The following ZDHHC12 variants were observed in gnomAD, a reference collection of about 807,000 sequenced individuals.
The protein encoded by ZDHHC12 is zDHHC palmitoyltransferase 12.
A neutral mutation model predicts 33.2 loss-of-function variants in ZDHHC12; 26 were observed. The observed-to-expected ratio is 0.78, with a 90% CI of 0.57 to 1.09. ZDHHC12 has a LOEUF of 1.09. Ranked by LOEUF, ZDHHC12 falls within the 50% of genes least tolerant of loss-of-function variation. ZDHHC12 has a pLI of 0.00. For synonymous variants in ZDHHC12, 154 were observed against 152.1 expected (o/e 1.01, Z -0.09); for missense variants, 350 against 353.0 (o/e 0.99, Z 0.07).
chr9:128,721,693 G>T lies in ZDHHC12; in HGVS notation c.440C>A (p.Ala147Glu). 1 of 1,613,926 alleles carries T rather than the reference G, an allele frequency of 6.2e-7. No individual in the cohort carries two copies. The highest frequency in any genetic ancestry group is 8.5e-7 in the Non-Finnish European group (1 of 1,179,984). Residue 147 changes from alanine (A) to glutamate (E), a missense_variant, in exon 4 of 5, where the codon GCG (alanine) becomes GAG (glutamate). By Grantham distance (107) the Ala-to-Glu change is moderately radical. Transcript: ENST00000372663. The surrounding 1 kb of genome is among the most constrained non-coding windows in gnomAD (Gnocchi z 6.9). ...CCACAGAAGCACCACCAGCTGCAGC[G>T]CCAGGTAGACCACAAAGAGTGGGTG... Reference protein sequence around the residue: ...RNHPLFVVYLALQLVVLLWGL... With the variant: ...RNHPLFVVYLELQLVVLLWGL...
Position 128,721,556 on chromosome 9 carries a change from C to T in ZDHHC12, c.483-54G>A. 6.3e-7 allele frequency: 1 copy of T among 1,587,262 alleles called. No individual in the cohort carries two copies. The highest frequency in any genetic ancestry group is 1.1e-5 in the South Asian group (1 of 88,032). On this transcript the variant is annotated intron_variant, in intron 4 of 4. Transcript: ENST00000372663. This position sits in a 1 kb window ranked among gnomAD's most constrained non-coding sequence, Gnocchi z 6.9. The stretch of plus-strand genomic sequence containing the variant: ...CTGGGGGAGGGCAGGGGAGCCCTTC[C>T]CTCCCCATGCCGGGTCCCTGGGAGT...
chr9:128,723,851 A>C lies in ZDHHC12; in HGVS notation c.100+143T>G. 1 of 1,278,780 alleles carries C rather than the reference A, an allele frequency of 7.8e-7. No individual in the cohort carries two copies. The highest frequency in any genetic ancestry group is 1.1e-6 in the Non-Finnish European group (1 of 930,248). 79.2% of individuals were successfully genotyped at this position (1,278,780 alleles called of 1,614,324 possible). On this transcript the variant is annotated intron_variant, in intron 1 of 4. Transcript: ENST00000372663. The surrounding 1 kb of genome is among the most constrained non-coding windows in gnomAD (Gnocchi z 4.4). ...GAGCAGGTGGCTCTTGGAATGATAGATGGGGAGAGGGCTTCAGGAGCTGGT... is the reference window on the plus strand; with the variant it reads ...GAGCAGGTGGCTCTTGGAATGATAGCTGGGGAGAGGGCTTCAGGAGCTGGT...
In ZDHHC12 at chr9:128,723,581, T is replaced by TG. The variant is rs1175283743; in HGVS notation, c.100+412dup. ...TGGGCAGCTAGTGGCCATGGGGGTG[T>TG]GGGGGGTGTGGGTGTGGGCAGAATG... On this transcript the variant is annotated intron_variant, in intron 1 of 4. Coordinates refer to ENST00000372663, the MANE Select transcript of ZDHHC12 (RefSeq NM_032799.5). This position sits in a 1 kb window ranked among gnomAD's most constrained non-coding sequence, Gnocchi z 4.4. The TG allele has an allele frequency of 3.5e-6, 1 of 287,090 alleles. No individual in the cohort carries two copies. The highest frequency in any genetic ancestry group is 6.5e-6 in the Non-Finnish European group (1 of 153,500). 17.8% of individuals were successfully genotyped at this position (287,090 alleles called of 1,614,324 possible).
rs376894506 is a variant in ZDHHC12, at chr9:128,722,143, C to T, written c.238-57G>A. 86 of 1,602,198 alleles carry T rather than the reference C, an allele frequency of 5.4e-5. No homozygotes were observed. Among genetic ancestry groups the T allele is most frequent in the South Asian group, 9.9e-5 (9 of 90,736 alleles). On this transcript the variant is annotated intron_variant, in intron 2 of 4. Coordinates refer to ENST00000372663, the MANE Select transcript of ZDHHC12 (RefSeq NM_032799.5). The surrounding 1 kb of genome is among the most constrained non-coding windows in gnomAD (Gnocchi z 4.2). ...CCCCTTGGGAGACAGATGGCATTGG[C>T]GGGCAGCTCCCCTAGGGGCCGGCTT... is the stretch of plus-strand genomic sequence containing the variant.
Position 128,720,994 on chromosome 9 carries a change from C to G in ZDHHC12, c.*187G>C, listed in dbSNP as rs1862526951. 2 of 689,586 alleles carry G rather than the reference C, an allele frequency of 2.9e-6. No individual in the cohort carries two copies. The highest frequency in any genetic ancestry group is 4.7e-6 in the Non-Finnish European group (2 of 427,582). The allele number at this position is 689,586 out of a possible 1,614,324, so 42.7% of individuals were successfully genotyped here. On this transcript the variant is annotated 3_prime_UTR_variant, in exon 5 of 5. Transcript: ENST00000372663. This position sits in a 1 kb window ranked among gnomAD's most constrained non-coding sequence, Gnocchi z 5.5. ...GCCTGAGCCACCCACAGGTCCTTTT[C>G]TTCCCCTTCTTCCTTGGAAGGCAGA... is the stretch of plus-strand genomic sequence containing the variant.
rs1862583838 is a variant in ZDHHC12, at chr9:128,722,189, G to T, written c.238-103C>A. 2.1e-6 allele frequency: 3 copies of T among 1,414,420 alleles called. No homozygotes were observed. Among genetic ancestry groups the T allele is most frequent in the South Asian group, 2.4e-5 (2 of 82,892 alleles). 87.6% of individuals were successfully genotyped at this position (1,414,420 alleles called of 1,614,324 possible). A position where few individuals can be genotyped will look rare whatever the true frequency, so the allele number is the denominator to read the frequency against. On this transcript the variant is annotated intron_variant, in intron 2 of 4. Transcript: ENST00000372663. This position sits in a 1 kb window ranked among gnomAD's most constrained non-coding sequence, Gnocchi z 4.2. The stretch of plus-strand genomic sequence containing the variant: ...GGCTTAGCTCTGGGTATGGAGTTTG[G>T]GACCCATCCCATGCAGAATGGAGGT...
In ZDHHC12 at chr9:128,721,996, G is replaced by C; in HGVS notation, c.315+13C>G. The C allele has an allele frequency of 6.2e-7, 1 of 1,613,972 alleles. No homozygotes were observed. Among genetic ancestry groups the C allele is most frequent in the Non-Finnish European group, 8.5e-7 (1 of 1,179,968 alleles). ...GGCCCAACCTCTCCCACGGGTGTCC[G>C]TGCATCACTCACCAGCACCAGGCAG... On this transcript the variant is annotated intron_variant, in intron 3 of 4. Transcript: ENST00000372663. This position sits in a 1 kb window ranked among gnomAD's most constrained non-coding sequence, Gnocchi z 6.9.
chr9:128,722,093 T>A lies in ZDHHC12; in HGVS notation c.238-7A>T, dbSNP rs201077110. On this transcript the variant is annotated splice_polypyrimidine_tract_variant and splice_region_variant and intron_variant, in intron 2 of 4. Coordinates refer to ENST00000372663, the MANE Select transcript of ZDHHC12 (RefSeq NM_032799.5). This position sits in a 1 kb window ranked among gnomAD's most constrained non-coding sequence, Gnocchi z 4.2. ...GCTCCTCTTTGAGCTCCTCCTGGAA[T>A]GAGGGGTGGGGTGTAAGACAGGGTC... 3.7e-6 allele frequency: 6 copies of A among 1,613,652 alleles called. No homozygotes were observed. The highest frequency in any genetic ancestry group is 5.1e-6 in the Non-Finnish European group (6 of 1,179,926).
chr9:128,721,748 A>G lies in ZDHHC12; in HGVS notation c.385T>C (p.Trp129Arg), dbSNP rs1181745539. ...CGCTCTCCCACACAGTTCTCCATCC[A>G]GGGGCAGTGGTGGTCGTAGCGGCGG... ...CVRRYDHHCP[W>R]MENCVGERNH... The change falls in exon 4 of 5, where the codon TGG (tryptophan) becomes CGG (arginine). Residue 129 changes from tryptophan to arginine, a missense_variant. By Grantham distance (101) the Trp-to-Arg change is moderately radical. Transcript: ENST00000372663. The surrounding 1 kb of genome is among the most constrained non-coding windows in gnomAD (Gnocchi z 6.9). The G allele has an allele frequency of 5.0e-6, 8 of 1,613,696 alleles. No homozygotes were observed. Among genetic ancestry groups the G allele is most frequent in the Non-Finnish European group, 6.8e-6 (8 of 1,179,980 alleles).
rs1862576618 is a variant in ZDHHC12, at chr9:128,722,018, G to A, written c.306C>T (p.Cys102=). The change falls in exon 3 of 5, where the codon TGC becomes TGT. Residue 102 remains cysteine, a synonymous_variant. Transcript: ENST00000372663. The surrounding 1 kb of genome is among the most constrained non-coding windows in gnomAD (Gnocchi z 4.2). Reference sequence around the variant, plus strand: ...TCCGTGCATCACTCACCAGCACCAGGCAGTATCTGCAGCGCCGAAGAGGGA... The same window carrying A: ...TCCGTGCATCACTCACCAGCACCAGACAGTATCTGCAGCGCCGAAGAGGGA... ...PAIPLRRCRY[C]LVLQPLRARH... 6 of 1,614,034 alleles carry A rather than the reference G, an allele frequency of 3.7e-6. No homozygotes were observed. The highest frequency in any genetic ancestry group is 5.1e-6 in the Non-Finnish European group (6 of 1,179,982).
chr9:128,722,928 G>T lies in ZDHHC12; in HGVS notation c.101-354C>A, dbSNP rs1450696338. 2.3e-5 allele frequency: 8 copies of T among 343,834 alleles called. No homozygotes were observed. Among genetic ancestry groups the T allele is most frequent in the South Asian group, 3.8e-5 (1 of 26,466 alleles). 21.3% of individuals were successfully genotyped at this position (343,834 alleles called of 1,614,324 possible). On this transcript the variant is annotated intron_variant, in intron 1 of 4. Coordinates refer to ENST00000372663, the MANE Select transcript of ZDHHC12 (RefSeq NM_032799.5). The surrounding 1 kb of genome is among the most constrained non-coding windows in gnomAD (Gnocchi z 4.2). ...TGGACAGGGGGCTGCTGGGTCAAGG[G>T]AGCCAGACCTGACTGGATGTGGGAG...
chr9:128,722,782 C>A lies in ZDHHC12; in HGVS notation c.101-208G>T. The stretch of plus-strand genomic sequence containing the variant: ...ACCATGGAAGGTTATAGAGCCAGAT[C>A]TGTTTTGGAAAACCTCATTGCTAAA... On this transcript the variant is annotated intron_variant, in intron 1 of 4. Coordinates refer to ENST00000372663, the MANE Select transcript of ZDHHC12 (RefSeq NM_032799.5). This position sits in a 1 kb window ranked among gnomAD's most constrained non-coding sequence, Gnocchi z 4.2. 9 of 1,402,370 alleles carry A rather than the reference C, an allele frequency of 6.4e-6. No individual in the cohort carries two copies. Among genetic ancestry groups the A allele is most frequent in the Non-Finnish European group, 8.4e-6 (9 of 1,072,724 alleles). 86.9% of individuals were successfully genotyped at this position (1,402,370 alleles called of 1,614,324 possible). A position where few individuals can be genotyped will look rare whatever the true frequency, so the allele number is the denominator to read the frequency against.
chr9:128,723,930 A>G lies in ZDHHC12; in HGVS notation c.100+64T>C, dbSNP rs757506418. The G allele has an allele frequency of 1.9e-6, 3 of 1,564,342 alleles. No individual in the cohort carries two copies. Among genetic ancestry groups the G allele is most frequent in the Non-Finnish European group, 2.6e-6 (3 of 1,152,418 alleles). On this transcript the variant is annotated intron_variant, in intron 1 of 4. Transcript: ENST00000372663. The surrounding 1 kb of genome is among the most constrained non-coding windows in gnomAD (Gnocchi z 4.4). The stretch of plus-strand genomic sequence containing the variant: ...GGGATTAGGCGGGAGACCCAGTGTG[A>G]CCAGAACGTCTGGGGAAGTACGCGG...
rs907276468 is a variant in ZDHHC12 at position 128,721,892 on chromosome 9, C to T, written c.316-75G>A. 7 of 1,600,940 alleles carry T rather than the reference C, an allele frequency of 4.4e-6. No homozygotes were observed. In the Admixed American group the frequency reaches 6.7e-5, roughly 15 times the overall value. ...CCACCACTGAGGGAAGGAATCAGGG[C>T]CTGATTCTGGAAGGCCTTCTTGGAG... On this transcript the variant is annotated intron_variant, in intron 3 of 4. Transcript: ENST00000372663. The surrounding 1 kb of genome is among the most constrained non-coding windows in gnomAD (Gnocchi z 6.9).
At position 128,722,256 on chromosome 9, in the gene ZDHHC12, A is replaced by G. The variant is rs1290388934; in HGVS notation, c.238-170T>C. Among the ~76,000 whole-genome samples the G allele has an allele frequency of 2.0e-5, 3 of 151,890 alleles. No individual in the cohort carries two copies. The highest frequency in any genetic ancestry group is 4.4e-5 in the Non-Finnish European group (3 of 67,950). On this transcript the variant is annotated intron_variant, in intron 2 of 4. Transcript: ENST00000372663. This position sits in a 1 kb window ranked among gnomAD's most constrained non-coding sequence, Gnocchi z 4.2. ...CACCCTGGACTGAGGGCGGCTGTGT[A>G]TGTTTGCAAGTCTCTTCCTTCTCTG...
chr9:128,722,467 C>A lies in ZDHHC12; in HGVS notation c.208G>T (p.Gly70Cys). Residue 70 changes from glycine (G) to cysteine (C), a missense_variant, in exon 2 of 5, where the codon GGC becomes TGC. Transcript: ENST00000372663. The surrounding 1 kb of genome is among the most constrained non-coding windows in gnomAD (Gnocchi z 4.2). ...LYLAVSLMDP[G>C]YVNVQPQPQE... ...GGCTGGGGCTGCACATTCACGTAGCCAGGGTCCATGAGTGACACAGCGAGG... is the reference window on the plus strand; with the variant it reads ...GGCTGGGGCTGCACATTCACGTAGCAAGGGTCCATGAGTGACACAGCGAGG... 9 of 1,544,206 alleles carry A rather than the reference C, an allele frequency of 5.8e-6. No individual in the cohort carries two copies. Among genetic ancestry groups the A allele is most frequent in the Non-Finnish European group, 7.9e-6 (9 of 1,142,984 alleles).
rs1334258953 is a variant in ZDHHC12 at position 128,722,179 on chromosome 9, A to G, written c.238-93T>C. ...CCTAGGGGCCGGCTTAGCTCTGGGT[A>G]TGGAGTTTGGGACCCATCCCATGCA... is the stretch of plus-strand genomic sequence containing the variant. On this transcript the variant is annotated intron_variant, in intron 2 of 4. Transcript: ENST00000372663. This position sits in a 1 kb window ranked among gnomAD's most constrained non-coding sequence, Gnocchi z 4.2. 2.0e-6 allele frequency: 3 copies of G among 1,486,620 alleles called. No individual in the cohort carries two copies. Among genetic ancestry groups the G allele is most frequent in the African/African-American group, 1.4e-5 (1 of 72,404 alleles). The allele number at this position is 1,486,620 out of a possible 1,614,324, so 92.1% of individuals were successfully genotyped here. A position where few individuals can be genotyped will look rare whatever the true frequency, so the allele number is the denominator to read the frequency against.
Position 128,721,281 on chromosome 9 carries a change from A to C in ZDHHC12, c.704T>G (p.Leu235Arg). The C allele has an allele frequency of 1.2e-6, 2 of 1,600,158 alleles. No individual in the cohort carries two copies. The highest frequency in any genetic ancestry group is 1.7e-6 in the Non-Finnish European group (2 of 1,173,258). ...QRPSNPFDRG[L>R]TRNLAHFFCG... ...GAAGAAGTGGGCCAGGTTGCGGGTC[A>C]GGCCTCGGTCGAAGGGGTTGCTGGG... Residue 235 changes from leucine to arginine, a missense_variant, in exon 5 of 5, where the codon CTG becomes CGG. Leu to Arg is a moderately radical substitution (Grantham distance 102, BLOSUM62 -2). Coordinates refer to ENST00000372663, the MANE Select transcript of ZDHHC12 (RefSeq NM_032799.5). The surrounding 1 kb of genome is among the most constrained non-coding windows in gnomAD (Gnocchi z 6.9).
In ZDHHC12 at chr9:128,722,348, C is replaced by A. The variant is rs1241570613; in HGVS notation, c.237+90G>T. On this transcript the variant is annotated intron_variant, in intron 2 of 4. Coordinates refer to ENST00000372663, the MANE Select transcript of ZDHHC12 (RefSeq NM_032799.5). This position sits in a 1 kb window ranked among gnomAD's most constrained non-coding sequence, Gnocchi z 4.2. The stretch of plus-strand genomic sequence containing the variant: ...GGTGGCAAGAGGAGTCACTGAACTG[C>A]TCCCACAAGAGCCTGCAGCACAGAG... 9 of 1,428,450 alleles carry A rather than the reference C, an allele frequency of 6.3e-6. No individual in the cohort carries two copies. In the East Asian group the frequency reaches 2.3e-4, roughly 36 times the overall value. The allele number at this position is 1,428,450 out of a possible 1,614,324, so 88.5% of individuals were successfully genotyped here.
Sources: gnomAD v4.1 joint callset for allele counts (sites outside exome capture counted in the v4.1 genomes callset) on GRCh38, gnomAD v4.1.1 for gene constraint, Gnocchi (gnomAD v3.1) non-coding constraint, MANE v1.5 for transcripts, NCBI Gene and HGNC (gene_info 2026-07-23, HGNC 2026-07-21) for gene names.